The following MRTFB variants were observed in gnomAD, a reference collection of about 807,000 sequenced individuals.
MRTFB encodes myocardin-related transcription factor B.
Under a neutral mutation model 104.2 loss-of-function variants are expected in MRTFB, and 29 were observed. That is an observed-to-expected ratio of 0.28 (90% CI 0.21 to 0.38). The LOEUF (loss-of-function observed/expected upper bound fraction) is 0.38, where lower values mean the gene tolerates loss of function less well. Among genes scored for constraint, MRTFB ranks in the 10% least tolerant of loss-of-function variants. MRTFB has a pLI of 1.00. For synonymous variants in MRTFB, 535 were observed against 519.5 expected, an observed-to-expected ratio of 1.03 and a Z score of -0.41; for missense variants, 1,270 against 1,341.6, an observed-to-expected ratio of 0.95 and a Z score of 0.83.
intron 5 of MRTFB, among the ~76,000 whole-genome samples, chr16:14,213,081 G>A (rs2041266181): frequency 6.6e-6 from 1 of 152,056 alleles, no homozygotes; most frequent in Non-Finnish European, 1.5e-5. Context: ...CCTGTATGAA[G>A]GCTTTCTTCC....
At chr16:14,016,706 G>A in the MRTFB span, among the ~76,000 whole-genome samples, 2 of 149,334 alleles carry the variant, frequency 1.3e-5, no homozygotes, top group Admixed American at 6.6e-5. Context: ...CCAGGAGGCG[G>A]AGGTTGCGGC....
At chr16:14,167,042 G>A (rs1003996976) in intron 3 of MRTFB, among the ~76,000 whole-genome samples, 16 of 152,132 alleles carry the variant, frequency 1.1e-4, no homozygotes. Context: ...GGATTGCTAG[G>A]TCAAATGGTA....
At chr16:14,219,659 T>TA (rs2041596202) in intron 8 of MRTFB, among the ~76,000 whole-genome samples, 1 of 152,240 alleles carries the variant, frequency 6.6e-6, no homozygotes, top group Admixed American at 6.5e-5. Context: ...GTTTGGGGAT[T>TA]AAAAATGCCC....
intron 8 of MRTFB, among the ~76,000 whole-genome samples, chr16:14,224,862 A>T (rs1168233742): frequency 1.3e-5 from 2 of 152,226 alleles, no homozygotes; most frequent in East Asian, 3.8e-4. Flanking sequence ...AAGTGAAAGG[A>T]TGCCAGATAG....
At chr16:14,203,590 C>T (rs1029919023) in intron 3 of MRTFB, among the ~76,000 whole-genome samples, 4 of 151,862 alleles carry the variant, frequency 2.6e-5, no homozygotes, top group Non-Finnish European at 4.4e-5. Context: ...ACACTTGAGG[C>T]CAGGAGTTGG....
chr16:14,247,545 A>G (rs912780213), intron 12 of MRTFB, 38 bp downstream of exon 12: 32 of 1,498,578 alleles, frequency 2.1e-5, no homozygotes, highest in Non-Finnish European at 2.2e-5. Context: ...GCCTTACAGC[A>G]TGCATGGAAT....
In MRTFB at chr16:14,263,599, A is replaced by G. The variant is rs1172486399; in HGVS notation, c.*2155A>G. On this transcript the variant is annotated 3_prime_UTR_variant, in exon 17 of 17. Coordinates refer to ENST00000571589, the MANE Select transcript of MRTFB (RefSeq NM_001308142.2). The stretch of plus-strand genomic sequence containing the variant: ...ATTTCCATAATCCTGAATTGTGTAG[A>G]TAGTTTTCTAGCTCTCGGGTCCCTT... The G allele has an allele frequency of 6.6e-6, 1 of 152,026 alleles. No individual in the cohort carries two copies. 9.4% of individuals were successfully genotyped at this position (152,026 alleles called of 1,614,324 possible).
the MRTFB span, among the ~76,000 whole-genome samples, chr16:14,006,880 G>T: frequency 6.6e-6 from 1 of 151,968 alleles, no homozygotes; most frequent in African/African-American, 2.4e-5. Flanking sequence ...AGCTGGGTAT[G>T]GTGGCAAATG....
chr16:14,087,094 TTGAAG>T (rs1240343809), intron 2 of MRTFB, among the ~76,000 whole-genome samples: 1 of 152,060 alleles, frequency 6.6e-6, no homozygotes, highest in African/African-American at 2.4e-5. Context: ...GAAAAAAAAA[TTGAAG>T]TACTTGTATG....
At chr16:14,056,700 G>A in the MRTFB span, among the ~76,000 whole-genome samples, 9 of 152,188 alleles carry the variant, frequency 5.9e-5, no homozygotes, top group East Asian at 1.9e-4. Flanking sequence ...GAGTCTCTCA[G>A]TGTTCAGAGC....
chr16:14,250,324 G>A (rs193019554), intron 13 of MRTFB, among the ~76,000 whole-genome samples: 34 of 152,274 alleles, frequency 2.2e-4, no homozygotes, highest in Admixed American at 7.2e-4. Flanking sequence ...GGTATAGAAC[G>A]TGTTAAGTAT....
At chr16:13,998,695 G>A in the MRTFB span, among the ~76,000 whole-genome samples, 1 of 151,236 alleles carries the variant, frequency 6.6e-6, no homozygotes, top group South Asian at 2.1e-4. Context: ...AGAAGAGGAA[G>A]AGGGAAGAAG....
At chr16:14,008,718 G>T in the MRTFB span, among the ~76,000 whole-genome samples, 1 of 152,128 alleles carries the variant, frequency 6.6e-6, no homozygotes, top group Admixed American at 6.6e-5. Context: ...CTGCAAAAAA[G>T]TTAGCTGGTA....
At chr16:14,073,886 T>C (rs374132969) in intron 1 of MRTFB, among the ~76,000 whole-genome samples, 17 of 152,236 alleles carry the variant, frequency 1.1e-4, no homozygotes, top group African/African-American at 3.6e-4. Context: ...TTGTTAGCAG[T>C]TGTCTTTTCA....
chr16:14,184,002 G>A (rs1346126762), intron 3 of MRTFB, among the ~76,000 whole-genome samples: 1 of 144,946 alleles, frequency 6.9e-6, no homozygotes, highest in Non-Finnish European at 1.5e-5. Flanking sequence ...TGCATCTACT[G>A]AGATTTATAG....
chr16:14,213,875 C>G (rs887054799), intron 6 of MRTFB, among the ~76,000 whole-genome samples: 1 of 152,132 alleles, frequency 6.6e-6, no homozygotes, highest in Non-Finnish European at 1.5e-5. Context: ...CATACTGTTC[C>G]ACTAAAAAAA....
chr16:14,068,674 A>T (rs2033546046), upstream of MRTFB, among the ~76,000 whole-genome samples: 1 of 152,164 alleles, frequency 6.6e-6, no homozygotes, highest in Non-Finnish European at 1.5e-5. Context: ...AATGGGGACA[A>T]CCATAACTTC....
At chr16:14,047,976 C>G in the MRTFB span, among the ~76,000 whole-genome samples, 1 of 152,308 alleles carries the variant, frequency 6.6e-6, no homozygotes, top group South Asian at 2.1e-4. Context: ...TCATCTGAGA[C>G]AAGGCAAGTC....
chr16:14,117,205 C>G (rs566165507), intron 2 of MRTFB, among the ~76,000 whole-genome samples: 2 of 152,318 alleles, frequency 1.3e-5, no homozygotes, highest in African/African-American at 4.8e-5. Flanking sequence ...TGGAGGCTGC[C>G]TTAGAATCAA....
Sources: gnomAD v4.1 joint callset for allele counts (sites outside exome capture counted in the v4.1 genomes callset) on GRCh38, gnomAD v4.1.1 for gene constraint, MANE v1.5 for transcripts, NCBI Gene and HGNC (gene_info 2026-07-23, HGNC 2026-07-21) for gene names.